DORIP1: variants seen among roughly 807,000 people sequenced by gnomAD.
DORIP1 encodes dopamine receptor-interacting protein 1.
chr14:44,902,016 T>C, the DORIP1 span, among the ~76,000 whole-genome samples: 1 of 152,220 alleles, frequency 6.6e-6, no homozygotes, highest in Non-Finnish European at 1.5e-5. Flanking sequence ...GAAAGGTATT[T>C]GGCCCTATGG....
the DORIP1 span, chr14:44,900,331 T>C: frequency 8.9e-7 from 1 of 1,125,602 alleles, no homozygotes; most frequent in Non-Finnish European, 1.2e-6. Flanking sequence ...ATAACCACAT[T>C]TGATTTGAGT....
At chr14:44,903,220 A>G in the DORIP1 span, 1 of 1,611,868 alleles carries the variant, frequency 6.2e-7, no homozygotes, top group Non-Finnish European at 8.5e-7. Flanking sequence ...TCCCCAAGAA[A>G]TTCCACATGG....
At chr14:44,901,564 G>C in the DORIP1 span, among the ~76,000 whole-genome samples, 5 of 152,174 alleles carry the variant, frequency 3.3e-5, no homozygotes, top group Non-Finnish European at 5.9e-5. Context: ...ACTCTTACTT[G>C]AATTTACTAA....
the DORIP1 span, among the ~76,000 whole-genome samples, chr14:44,900,058 C>T: frequency 4.6e-5 from 7 of 151,844 alleles, no homozygotes; most frequent in Non-Finnish European, 8.8e-5. Context: ...CTCGAACGCC[C>T]GACCTCAGGT....
At chr14:44,898,625 A>G in the DORIP1 span, among the ~76,000 whole-genome samples, 1 of 152,236 alleles carries the variant, frequency 6.6e-6, no homozygotes, top group Non-Finnish European at 1.5e-5. Flanking sequence ...TTTGTAAACA[A>G]AACGAATCAG....
the DORIP1 span, chr14:44,904,127 G>T: frequency 1.0e-6 from 1 of 985,312 alleles, no homozygotes; most frequent in Non-Finnish European, 1.2e-6. Context: ...GTTCTGCAGA[G>T]TTATGCTTTC....
chr14:44,904,660 G>C, the DORIP1 span: 8 of 995,722 alleles, frequency 8.0e-6, no homozygotes, highest in African/African-American at 1.7e-5. Flanking sequence ...TATGTATTCT[G>C]AATAGAATCA....
chr14:44,898,827 A>C, the DORIP1 span: 3 of 152,158 alleles, frequency 2.0e-5, no homozygotes, highest in Non-Finnish European at 4.4e-5. Flanking sequence ...CACTGTGTTC[A>C]TGTGTGTTTA....
the DORIP1 span, chr14:44,900,837 T>G: frequency 4.3e-6 from 7 of 1,614,002 alleles, no homozygotes; most frequent in South Asian, 7.7e-5. Flanking sequence ...TGTTTGGGAA[T>G]GAGCATGATA....
At chr14:44,907,120 T>C in the DORIP1 span, 1 of 152,762 alleles carries the variant, frequency 6.5e-6, no homozygotes, top group East Asian at 1.9e-4. Flanking sequence ...AAATGCACTT[T>C]ATTTGGAATA....
the DORIP1 span, chr14:44,904,590 T>A: frequency 6.9e-7 from 1 of 1,458,800 alleles, no homozygotes; most frequent in South Asian, 1.4e-5. Context: ...CCTGTTATAT[T>A]ATGATTTTGA....
At chr14:44,899,658 T>C in the DORIP1 span, among the ~76,000 whole-genome samples, 1 of 152,018 alleles carries the variant, frequency 6.6e-6, no homozygotes, top group African/African-American at 2.4e-5. Context: ...TATTATTCTG[T>C]ACCCCCAATT....
At chr14:44,904,510 T>C in the DORIP1 span, 1 of 1,605,072 alleles carries the variant, frequency 6.2e-7, no homozygotes, top group Admixed American at 1.7e-5. Context: ...ACCCTATTAC[T>C]TGGATTTGTC....
chr14:44,897,836 C>T, the DORIP1 span, among the ~76,000 whole-genome samples: 11 of 152,216 alleles, frequency 7.2e-5, no homozygotes, highest in African/African-American at 2.7e-4. Flanking sequence ...TAGCGTCCGC[C>T]TTGTCCCTGT....
the DORIP1 span, chr14:44,905,509 C>CT: frequency 6.5e-7 from 1 of 1,541,846 alleles, no homozygotes; most frequent in Non-Finnish European, 8.8e-7. Context: ...AGAGTTTCTC[C>CT]TCTTGTCATC....
the DORIP1 span, among the ~76,000 whole-genome samples, chr14:44,899,758 G>A: frequency 6.6e-6 from 1 of 151,538 alleles, no homozygotes; most frequent in Non-Finnish European, 1.5e-5. Flanking sequence ...GAAAGATGAG[G>A]AGGTTTACAT....
At chr14:44,903,970 C>T in the DORIP1 span, 2 of 976,590 alleles carry the variant, frequency 2.0e-6, no homozygotes, top group Non-Finnish European at 2.4e-6. Flanking sequence ...GATCCATATA[C>T]TTAATACCTC....
chr14:44,903,510 C>T, the DORIP1 span: 8 of 1,148,884 alleles, frequency 7.0e-6, no homozygotes, highest in Non-Finnish European at 8.6e-6. Flanking sequence ...TTTCCCCCCC[C>T]ACTGCTGAGT....
At chr14:44,906,557 G>A in the DORIP1 span, 31 of 152,602 alleles carry the variant, frequency 2.0e-4, no homozygotes, top group Admixed American at 1.2e-3. Context: ...AAATCATTAC[G>A]ATTTTATAGT....
Sources: gnomAD v4.1 joint callset for allele counts (sites outside exome capture counted in the v4.1 genomes callset) on GRCh38, gnomAD v4.1.1 for gene constraint, MANE v1.5 for transcripts, NCBI Gene and HGNC (gene_info 2026-07-23, HGNC 2026-07-21) for gene names.